Variants in RGL1 observed in about 807,000 individuals in gnomAD.
RGL1 encodes the protein ral guanine nucleotide dissociation stimulator like 1, also known as ral guanine nucleotide dissociation stimulator-like 1.
Under a neutral mutation model 95.2 loss-of-function variants are expected in RGL1, and 24 were observed. The ratio of observed to expected loss-of-function variants is 0.25; its 90% CI spans 0.18 to 0.35. The LOEUF is 0.35. Among genes scored for constraint, RGL1 ranks in the 10% least tolerant of loss-of-function variants. The pLI, the probability that RGL1 is intolerant of heterozygous loss-of-function variation, is 1.00. For synonymous variants in RGL1, 329 were observed against 344.9 expected, an observed-to-expected ratio of 0.95 and a Z score of 0.51; for missense variants, 715 against 936.3, an observed-to-expected ratio of 0.76 and a Z score of 3.08.
At chr1:183,647,714 C>T in intron 1 of RGL1, 3 of 1,604,580 alleles carry the variant, frequency 1.9e-6, no homozygotes, top group Non-Finnish European at 2.6e-6. Flanking sequence ...TTTCATCTGC[C>T]TCCTTGCTAC....
chr1:183,903,446 T>C (rs1161208487), intron 12 of RGL1, among the ~76,000 whole-genome samples: 2 of 152,224 alleles, frequency 1.3e-5, no homozygotes, highest in Non-Finnish European at 2.9e-5. Flanking sequence ...TTTAAATAGA[T>C]ATTTAAAAGA....
upstream of RGL1, among the ~76,000 whole-genome samples, chr1:183,801,724 C>A (rs1661002405): frequency 6.6e-6 from 1 of 152,202 alleles, no homozygotes. Flanking sequence ...ACGCCAACAT[C>A]TGCATCTGTT....
intron 1 of RGL1, among the ~76,000 whole-genome samples, chr1:183,717,209 T>G (rs190408164): frequency 6.6e-6 from 1 of 152,328 alleles, no homozygotes; most frequent in East Asian, 1.9e-4. Flanking sequence ...TAGTTCTTCT[T>G]TCCCACCTCT....
upstream of RGL1, chr1:183,805,001 C>T (rs1174589528): frequency 9.9e-6 from 3 of 303,934 alleles, no homozygotes; most frequent in African/African-American, 2.2e-5. Flanking sequence ...TGACTTTATC[C>T]ATGGGACTGA....
At chr1:183,742,240 G>T (rs1410930468) in exon 2 of RGL1, 1 of 1,614,118 alleles carries the variant, frequency 6.2e-7, no homozygotes, top group South Asian at 1.1e-5. Context: ...ACGGGACACT[G>T]GCTGGTGGAA....
intron 1 of RGL1, among the ~76,000 whole-genome samples, chr1:183,705,937 G>T (rs1426125854): frequency 6.6e-6 from 1 of 152,118 alleles, no homozygotes; most frequent in Non-Finnish European, 1.5e-5. Flanking sequence ...ATAGGAACTG[G>T]GTGGGGACTT....
intron 3 of RGL1, among the ~76,000 whole-genome samples, chr1:183,852,393 C>A (rs1664875988): frequency 1.3e-5 from 2 of 152,194 alleles, no homozygotes; most frequent in South Asian, 4.1e-4. Flanking sequence ...TCCTGTGCTT[C>A]TCAACATGGC....
chr1:183,922,458 G>C (rs1669365647), intron 17 of RGL1, 122 bp downstream of exon 17: 4 of 745,246 alleles, frequency 5.4e-6, no homozygotes. Context: ...ACCTAGTGGT[G>C]GTTTTTGATA....
intron 1 of RGL1, among the ~76,000 whole-genome samples, chr1:183,672,537 A>G (rs949363425): frequency 6.6e-6 from 1 of 152,138 alleles, no homozygotes; most frequent in African/African-American, 2.4e-5. Flanking sequence ...GCTGCATTCT[A>G]GTTAATTTCT....
At chr1:183,644,015 T>C (rs1650121169) in intron 1 of RGL1, among the ~76,000 whole-genome samples, 1 of 151,968 alleles carries the variant, frequency 6.6e-6, no homozygotes, top group African/African-American at 2.4e-5. Context: ...CCTACTAAAG[T>C]TTTCCACCCT....
At chr1:183,664,500 G>C (rs897662748) in intron 1 of RGL1, among the ~76,000 whole-genome samples, 1 of 151,172 alleles carries the variant, frequency 6.6e-6, no homozygotes, top group Non-Finnish European at 1.5e-5. Flanking sequence ...GTTTGCTCAA[G>C]ATTATACAGC....
chr1:183,648,168 A>G (rs1395800019), intron 1 of RGL1: 2 of 1,614,116 alleles, frequency 1.2e-6, no homozygotes, highest in African/African-American at 1.3e-5. Context: ...TGATCCTGAG[A>G]CACCACTTAT....
rs577045547 is a variant in RGL1, at chr1:183,848,743, C to G, written c.347+969C>G. On this transcript the variant is annotated intron_variant, in intron 3 of 17. Transcript: ENST00000360851. ...GTAAGAAGAAAATTAAATAGACCAT[C>G]AACTAGGCAAATAACACATATTAAC... 2.1e-3 allele frequency among the ~76,000 whole-genome samples: 316 copies of G among 152,218 alleles called. 1 individual carries two copies. Among genetic ancestry groups the G allele is most frequent in the Non-Finnish European group, 3.4e-3 (231 of 67,994 alleles).
chr1:183,638,528 C>T (rs908042516), intron 1 of RGL1, among the ~76,000 whole-genome samples: 2 of 150,260 alleles, frequency 1.3e-5, no homozygotes, highest in Non-Finnish European at 2.9e-5. Flanking sequence ...CTTTATAAAG[C>T]TTTAAGAGAA....
chr1:183,646,140 C>A (rs898059249), intron 1 of RGL1, among the ~76,000 whole-genome samples: 38 of 152,130 alleles, frequency 2.5e-4, no homozygotes, highest in African/African-American at 9.2e-4. Flanking sequence ...AACTCAGTAT[C>A]CCAAATTGTG....
chr1:183,681,638 T>C (rs1277991254), intron 1 of RGL1, among the ~76,000 whole-genome samples: 29 of 152,204 alleles, frequency 1.9e-4, no homozygotes, highest in Non-Finnish European at 4.4e-5. Context: ...GAAATTTTCT[T>C]TTTTTGTTGT....
intron 2 of RGL1, among the ~76,000 whole-genome samples, chr1:183,767,103 C>G (rs1659009620): frequency 6.6e-6 from 1 of 151,102 alleles, no homozygotes; most frequent in Non-Finnish European, 1.5e-5. Context: ...ATTTATAGTC[C>G]CAGCTACTCG....
At chr1:183,802,483 G>A (rs114680610), upstream of RGL1, among the ~76,000 whole-genome samples, 767 of 151,768 alleles carry the variant, frequency 5.1e-3, 12 homozygotes, top group African/African-American at 0.017. Context: ...AAATACACTT[G>A]GGATTTCGGA....
chr1:183,856,240 TC>T (rs1002319056), intron 3 of RGL1, among the ~76,000 whole-genome samples: 2 of 151,802 alleles, frequency 1.3e-5, no homozygotes, highest in Admixed American at 1.3e-4. Context: ...GTTGATGACT[TC>T]CTAGGCAAAA....
Sources: gnomAD v4.1 joint callset for allele counts (sites outside exome capture counted in the v4.1 genomes callset) on GRCh38, gnomAD v4.1.1 for gene constraint, MANE v1.5 for transcripts, NCBI Gene and HGNC (gene_info 2026-07-23, HGNC 2026-07-21) for gene names.